Variants in ASTN2 observed in about 807,000 individuals in gnomAD.
ASTN2 encodes astrotactin 2.
ASTN2 carries 54 observed loss-of-function variants against 139.8 expected under a neutral mutation model. That is an observed-to-expected ratio of 0.39 (90% CI 0.31 to 0.48). The LOEUF (loss-of-function observed/expected upper bound fraction) is 0.48. ASTN2 is among the 20% of genes least tolerant of loss of function. ASTN2 has a pLI of 0.95. For synonymous variants in ASTN2, 756 were observed against 719.5 expected, an observed-to-expected ratio of 1.05 and a Z score of -0.81; for missense variants, 1,565 against 1,725.1, an observed-to-expected ratio of 0.91 and a Z score of 1.64.
intron 16 of ASTN2, among the ~76,000 whole-genome samples, chr9:116,715,664 A>G (rs1828291814): frequency 6.6e-6 from 1 of 152,186 alleles, no homozygotes; most frequent in Non-Finnish European, 1.5e-5. Context: ...CAAATTATAA[A>G]GCATTTATTA....
At chr9:116,805,546 A>T in intron 13 of ASTN2, 86 bp downstream of exon 13, 1 of 1,260,708 alleles carries the variant, frequency 7.9e-7, no homozygotes, top group Non-Finnish European at 1.1e-6. Context: ...ACAGGTCTCT[A>T]CCCCATTGTG....
chr9:116,827,313 C>CAAAAAA (rs141242698), intron 11 of ASTN2, among the ~76,000 whole-genome samples: 2 of 79,480 alleles, frequency 2.5e-5, no homozygotes, highest in South Asian at 4.4e-4. Flanking sequence ...CCATCCCCCC[C>CAAAAAA]AAAAAAAAAA....
At position 116,699,000 on chromosome 9, in the gene ASTN2, A is replaced by G. The variant is rs1338332020; in HGVS notation, c.2806+26771T>C. On this transcript the variant is annotated intron_variant, in intron 16 of 22. Coordinates refer to ENST00000313400, the MANE Select transcript of ASTN2 (RefSeq NM_001365068.1). This position sits in a 1 kb window ranked among gnomAD's most constrained non-coding sequence, Gnocchi z 4.4. ...CAGTGGCATTGATAGCTTTGTGCTAAGCTTCCTTGGGGCAGATCTACCCAA... is the reference window on the plus strand; with the variant it reads ...CAGTGGCATTGATAGCTTTGTGCTAGGCTTCCTTGGGGCAGATCTACCCAA... The G allele has an allele frequency of 1.2e-6, 2 of 1,613,786 alleles. No individual in the cohort carries two copies. The highest frequency in any genetic ancestry group is 1.7e-6 in the Non-Finnish European group (2 of 1,179,964).
At chr9:117,233,555 A>G (rs1564494864) in intron 2 of ASTN2, among the ~76,000 whole-genome samples, 1 of 152,214 alleles carries the variant, frequency 6.6e-6, no homozygotes, top group Non-Finnish European at 1.5e-5. Context: ...CCCAAAATGA[A>G]CATCAAATTA....
At chr9:116,854,651 C>CT (rs764856702) in intron 11 of ASTN2, among the ~76,000 whole-genome samples, 13,374 of 121,892 alleles carry the variant, frequency 0.11, 852 homozygotes, top group African/African-American at 0.13. Flanking sequence ...TTCCTTCTCT[C>CT]TTTTTTTTTT....
chr9:116,911,849 C>T (rs1048045005), intron 10 of ASTN2, among the ~76,000 whole-genome samples: 5 of 152,074 alleles, frequency 3.3e-5, no homozygotes, highest in South Asian at 2.1e-4. Flanking sequence ...GCCAAGATTG[C>T]GCCACTGCAC....
intron 16 of ASTN2, among the ~76,000 whole-genome samples, chr9:116,695,310 A>G (rs1218786039): frequency 1.3e-5 from 2 of 152,202 alleles, no homozygotes; most frequent in Non-Finnish European, 2.9e-5. Context: ...AAGCATATAA[A>G]GTATCTGTCA....
intron 1 of ASTN2, among the ~76,000 whole-genome samples, chr9:117,317,323 G>C (rs1306729833): frequency 1.3e-5 from 2 of 152,130 alleles, no homozygotes; most frequent in Non-Finnish European, 2.9e-5. Context: ...ATAAGTCCCA[G>C]TGGTCATCTG....
chr9:116,811,487 G>A (rs1481787549), intron 12 of ASTN2, among the ~76,000 whole-genome samples: 1 of 152,192 alleles, frequency 6.6e-6, no homozygotes, highest in East Asian at 1.9e-4. Context: ...GACTAACAGT[G>A]TAGTTTGTAT....
At chr9:116,503,872 G>T (rs187706891) in intron 19 of ASTN2, among the ~76,000 whole-genome samples, 1 of 152,114 alleles carries the variant, frequency 6.6e-6, no homozygotes, top group East Asian at 1.9e-4. Flanking sequence ...CCAGTTTACA[G>T]GTACCTGTGG....
At chr9:117,002,886 A>G (rs1837231610) in intron 7 of ASTN2, among the ~76,000 whole-genome samples, 1 of 152,210 alleles carries the variant, frequency 6.6e-6, no homozygotes, top group South Asian at 2.1e-4. Context: ...GAAGGCTATG[A>G]CAGTAGGTGG....
Position 116,925,762 on chromosome 9 carries a change from G to A in ASTN2, c.1889+49446C>T, listed in dbSNP as rs140065461. Among the ~76,000 whole-genome samples the A allele has an allele frequency of 3.3e-3, 499 of 152,084 alleles. 12 individuals are homozygous for A. In the South Asian group the frequency reaches 0.076, roughly 23 times the overall value. On this transcript the variant is annotated intron_variant, in intron 10 of 22. Transcript: ENST00000313400. The stretch of plus-strand genomic sequence containing the variant: ...GATTAATAATTTAAAAAATTATTAA[G>A]AAAGATCAAGCTTCCTGATGTTCAG...
At chr9:116,861,214 T>TACAC (rs60909208) in intron 11 of ASTN2, among the ~76,000 whole-genome samples, 2,043 of 143,730 alleles carry the variant, frequency 0.014, 66 homozygotes, top group African/African-American at 0.043. Flanking sequence ...AAGCCCAAGC[T>TACAC]ACACACACAC....
chr9:116,769,088 T>C (rs943513398), intron 13 of ASTN2, among the ~76,000 whole-genome samples: 2 of 152,148 alleles, frequency 1.3e-5, no homozygotes, highest in East Asian at 1.9e-4. Context: ...TGAAAGTCTG[T>C]AGCCCAGAGA....
chr9:116,947,140 G>A (rs1835422231), intron 10 of ASTN2, among the ~76,000 whole-genome samples: 1 of 152,048 alleles, frequency 6.6e-6, no homozygotes, highest in Non-Finnish European at 1.5e-5. Flanking sequence ...ACTTGAAAAT[G>A]GTTTTAGAAT....
At chr9:117,116,169 C>G (rs557208136) in intron 4 of ASTN2, among the ~76,000 whole-genome samples, 1 of 152,122 alleles carries the variant, frequency 6.6e-6, no homozygotes, top group Admixed American at 6.5e-5. Context: ...GAACACATGG[C>G]AGGGCCTCAC....
At chr9:117,222,272 T>A (rs1564488255) in intron 2 of ASTN2, among the ~76,000 whole-genome samples, 1 of 152,214 alleles carries the variant, frequency 6.6e-6, no homozygotes, top group East Asian at 1.9e-4. Flanking sequence ...CTCGAACGTA[T>A]GCTTTTGAAA....
At chr9:117,016,813 T>TTATATATATA (rs11378164) in intron 6 of ASTN2, among the ~76,000 whole-genome samples, 4,856 of 92,504 alleles carry the variant, frequency 0.052, 240 homozygotes, top group African/African-American at 0.12. Context: ...TATATATGTT[T>TTATATATATA]TATATATATA....
chr9:117,327,297 A>C (rs1348946534), intron 1 of ASTN2, among the ~76,000 whole-genome samples: 2 of 152,110 alleles, frequency 1.3e-5, no homozygotes, highest in Non-Finnish European at 2.9e-5. Context: ...CCGACAATTG[A>C]GACATTTGAG....
Sources: gnomAD v4.1 joint callset for allele counts (sites outside exome capture counted in the v4.1 genomes callset) on GRCh38, gnomAD v4.1.1 for gene constraint, Gnocchi (gnomAD v3.1) non-coding constraint, MANE v1.5 for transcripts, NCBI Gene and HGNC (gene_info 2026-07-23, HGNC 2026-07-21) for gene names.